Variants in PCSK6 observed in about 807,000 individuals in gnomAD.
The protein encoded by PCSK6 is proprotein convertase subtilisin/kexin type 6.
Under a neutral mutation model 123.3 loss-of-function variants are expected in PCSK6, and 85 were observed. The observed-to-expected ratio is 0.69, with a 90% confidence interval of 0.58 to 0.83. PCSK6 has a LOEUF of 0.83. Ranked by LOEUF, PCSK6 falls within the 40% of genes least tolerant of loss-of-function variation. The pLI is 0.00. For missense variants in PCSK6, 1,191 were observed against 1,282.3 expected, an observed-to-expected ratio of 0.93 and a Z score of 1.09; for synonymous variants, 508 against 516.0, an observed-to-expected ratio of 0.98 and a Z score of 0.21.
intron 1 of PCSK6, among the ~76,000 whole-genome samples, chr15:101,453,880 G>A (rs958531135): frequency 1.3e-5 from 2 of 152,230 alleles, no homozygotes; most frequent in African/African-American, 2.4e-5. Flanking sequence ...AGCTCTGCTC[G>A]TGAAGAGTGG....
chr15:101,322,668 G>C (rs771942470), intron 17 of PCSK6, 61 bp from the exon 18 acceptor site: 1 of 1,050,992 alleles, frequency 9.5e-7, no homozygotes, highest in Non-Finnish European at 1.5e-6. Flanking sequence ...ATGAAATCTG[G>C]GCAAGCAGGC....
chr15:101,421,453 T>C (rs567335370), intron 6 of PCSK6, among the ~76,000 whole-genome samples: 2 of 152,352 alleles, frequency 1.3e-5, no homozygotes, highest in African/African-American at 2.4e-5. Flanking sequence ...CCATTTCTAA[T>C]GCACAGAGTA....
chr15:101,438,028 C>T (rs1460224472), intron 2 of PCSK6, among the ~76,000 whole-genome samples: 1 of 152,192 alleles, frequency 6.6e-6, no homozygotes, highest in East Asian at 1.9e-4. Flanking sequence ...GAGCCACTCG[C>T]AGAGAGGGAC....
At chr15:101,314,715 C>T (rs548432168) in intron 19 of PCSK6, among the ~76,000 whole-genome samples, 2 of 152,100 alleles carry the variant, frequency 1.3e-5, no homozygotes, top group Admixed American at 6.5e-5. Context: ...AGAGTGAAGC[C>T]GAGAAGGCCA....
Position 101,313,498 on chromosome 15 carries a change from G to T in PCSK6, c.2577C>A (p.Gly859=). The change falls in exon 20 of 22, where the codon GGC becomes GGA. Residue 859 remains glycine, a synonymous_variant. Coordinates refer to ENST00000611716, the MANE Select transcript of PCSK6 (RefSeq NM_002570.5). ...HHTCGTCVGP[G]REECIHCAKN... ...TCGCACAGTGAATGCACTCTTCTCT[G>T]CCTGGCCCTGAGAGACACAGGAAAA... is the stretch of plus-strand genomic sequence containing the variant. 6.3e-7 allele frequency: 1 copy of T among 1,599,414 alleles called. No individual in the cohort carries two copies.
chr15:101,320,502 G>A (rs937909623), intron 18 of PCSK6, among the ~76,000 whole-genome samples: 2 of 152,150 alleles, frequency 1.3e-5, no homozygotes, highest in South Asian at 4.1e-4. Flanking sequence ...TTGTGTGTGA[G>A]AGTAGGAGAA....
At position 101,427,915 on chromosome 15, in the gene PCSK6, A is replaced by G; in HGVS notation, c.800T>C (p.Ile267Thr). 1 of 1,584,798 alleles carries G rather than the reference A, an allele frequency of 6.3e-7. No individual in the cohort carries two copies. The highest frequency in any genetic ancestry group is 8.6e-7 in the Non-Finnish European group (1 of 1,165,174). Residue 267 changes from isoleucine to threonine, a missense_variant, in exon 6 of 22, where the codon ATA becomes ACA. Ile to Thr is a moderately conservative substitution (Grantham distance 89). Coordinates refer to ENST00000611716, the MANE Select transcript of PCSK6 (RefSeq NM_002570.5). ...ACCTCCTATTTTGGCATTGTACGCT[A>G]TGCCCACGATGCAGTAGGAATTGTT... ...SANNSYCIVGIAYNAKIGGIR... is the reference protein window; with the variant it reads ...SANNSYCIVGTAYNAKIGGIR...
intron 18 of PCSK6, among the ~76,000 whole-genome samples, chr15:101,321,150 G>A (rs978422481): frequency 1.3e-5 from 2 of 152,194 alleles, no homozygotes; most frequent in African/African-American, 4.8e-5. Flanking sequence ...GCAGAGCCTG[G>A]GACATCAAAG....
intron 2 of PCSK6, among the ~76,000 whole-genome samples, chr15:101,440,215 G>C (rs1021706099): frequency 1.3e-5 from 2 of 152,196 alleles, no homozygotes; most frequent in Non-Finnish European, 2.9e-5. Flanking sequence ...TGCACACTGC[G>C]AACACTTGGG....
chr15:101,447,209 G>A (rs1019648309), intron 1 of PCSK6, among the ~76,000 whole-genome samples: 1 of 152,154 alleles, frequency 6.6e-6, no homozygotes, highest in African/African-American at 2.4e-5. Context: ...AGTGAGGGAG[G>A]CTGTTCCTTC....
chr15:101,338,684 A>T (rs953848546), intron 13 of PCSK6, among the ~76,000 whole-genome samples: 2 of 152,256 alleles, frequency 1.3e-5, no homozygotes, highest in Non-Finnish European at 2.9e-5. Flanking sequence ...ATACCCAACT[A>T]GCACCATGAG....
chr15:101,350,738 G>A (rs2141409691), intron 13 of PCSK6, among the ~76,000 whole-genome samples: 1 of 152,262 alleles, frequency 6.6e-6, no homozygotes, highest in South Asian at 2.1e-4. Flanking sequence ...GGACGGGTGG[G>A]GAGCAGTGCA....
intron 20 of PCSK6, among the ~76,000 whole-genome samples, chr15:101,312,786 C>A (rs557460160): frequency 6.6e-6 from 1 of 151,818 alleles, no homozygotes; most frequent in African/African-American, 2.4e-5. Flanking sequence ...GAGCCGAGAT[C>A]GCCCACTGCG....
intron 1 of PCSK6, among the ~76,000 whole-genome samples, chr15:101,454,541 C>G (rs907705588): frequency 6.6e-6 from 1 of 152,156 alleles, no homozygotes; most frequent in Non-Finnish European, 1.5e-5. Context: ...GAATACTGAA[C>G]GATTCTCCCT....
intron 13 of PCSK6, among the ~76,000 whole-genome samples, chr15:101,347,979 G>C (rs1450511153): frequency 3.3e-5 from 5 of 152,216 alleles, no homozygotes; most frequent in African/African-American, 1.2e-4. Context: ...CAGGCCTTGT[G>C]AGACCAATGT....
intron 9 of PCSK6, among the ~76,000 whole-genome samples, chr15:101,385,995 C>T (rs527335978): frequency 3.3e-5 from 5 of 152,180 alleles, no homozygotes; most frequent in African/African-American, 1.2e-4. Context: ...CCAAGACTCT[C>T]ACTCCCTAAT....
chr15:101,376,550 G>A (rs116760369), intron 11 of PCSK6, among the ~76,000 whole-genome samples: 2,089 of 152,288 alleles, frequency 0.014, 48 homozygotes, highest in African/African-American at 0.047. Context: ...ACTTAACCCT[G>A]TATCTCTCCT....
chr15:101,394,142 T>TG (rs1411375230), intron 7 of PCSK6, among the ~76,000 whole-genome samples: 3 of 82,844 alleles, frequency 3.6e-5, no homozygotes, highest in East Asian at 4.2e-4. Context: ...TTTTTGTTTT[T>TG]TGTTTTTTTT....
intron 6 of PCSK6, among the ~76,000 whole-genome samples, chr15:101,401,954 A>G (rs1567193853): frequency 6.6e-6 from 1 of 152,070 alleles, no homozygotes; most frequent in Non-Finnish European, 1.5e-5. Flanking sequence ...AAGAGCCCAC[A>G]TTGCCAAGTC....
Sources: allele counts gnomAD v4.1 joint callset (sites outside exome capture counted in the v4.1 genomes callset), GRCh38; gene constraint gnomAD v4.1.1; transcripts MANE v1.5; gene names NCBI Gene and HGNC (gene_info 2026-07-23, HGNC 2026-07-21).